Variants in ANO7 observed in about 807,000 individuals in gnomAD.
The protein encoded by ANO7 is anoctamin-7.
ANO7 carries 114 observed loss-of-function variants against 115.8 expected under a neutral mutation model. That is an observed-to-expected ratio of 0.98 (90% CI 0.85 to 1.15). ANO7 has a LOEUF of 1.15. Among genes scored for constraint, ANO7 ranks in the 50% most tolerant of loss-of-function variants. The pLI is 0.00. For missense variants in ANO7, 1,302 were observed against 1,201.2 expected, an observed-to-expected ratio of 1.08 and a Z score of -1.24; for synonymous variants, 550 against 498.2, an observed-to-expected ratio of 1.10 and a Z score of -1.38.
intron 3 of ANO7, among the ~76,000 whole-genome samples, chr2:241,193,536 G>A (rs1023256174): frequency 1.3e-5 from 2 of 148,184 alleles, no homozygotes; most frequent in African/African-American, 2.5e-5. Flanking sequence ...CCTGCTACCA[G>A]AAGCTCCCCA....
intron 3 of ANO7, among the ~76,000 whole-genome samples, chr2:241,192,266 G>A (rs1261831101): frequency 2.0e-5 from 3 of 152,304 alleles, no homozygotes; most frequent in African/African-American, 7.2e-5. Flanking sequence ...CGGAGGTAGC[G>A]GTGAACCGAG....
intron 10 of ANO7, 82 bp downstream of exon 10, chr2:241,205,037 G>C: frequency 8.3e-7 from 1 of 1,211,678 alleles, no homozygotes; most frequent in East Asian, 2.3e-5. Flanking sequence ...CTAGGTGCTA[G>C]GTCCTGTGCA....
At chr2:241,230,944 G>T, downstream of ANO7, 2 of 1,611,662 alleles carry the variant, frequency 1.2e-6, no homozygotes, top group Non-Finnish European at 1.7e-6. The surrounding 1 kb of genome is among the most constrained non-coding windows in gnomAD (Gnocchi z 5.0). Context: ...TGGTCCTGGG[G>T]CTAAAAAAGG....
the ANO7 span, chr2:241,235,512 C>T: frequency 6.8e-6 from 11 of 1,613,692 alleles, no homozygotes; most frequent in South Asian, 1.1e-5. Flanking sequence ...CATCATCTTG[C>T]GGATCCCACT....
downstream of ANO7, chr2:241,229,504 T>A (rs1664803518): frequency 2.3e-6 from 2 of 880,236 alleles, no homozygotes; most frequent in African/African-American, 3.4e-5. Context: ...GCGTCAACAA[T>A]TTACGGAGGG....
At chr2:241,232,789 G>C in the ANO7 span, among the ~76,000 whole-genome samples, 1 of 151,950 alleles carries the variant, frequency 6.6e-6, no homozygotes, top group Non-Finnish European at 1.5e-5. Flanking sequence ...ACTCCACCTG[G>C]GGCAACAAGA....
chr2:241,204,744 G>C (rs2068550091), intron 9 of ANO7, 121 bp from the exon 10 acceptor site: 2 of 687,142 alleles, frequency 2.9e-6, no homozygotes, highest in South Asian at 3.7e-5. Flanking sequence ...CTCACATAGG[G>C]CCCCAGCCCC....
rs149691575 is a variant in ANO7 at position 241,195,717 on chromosome 2, G to C, written c.181G>C (p.Val61Leu). Residue 61 changes from valine to leucine, a missense_variant, in exon 4 of 25, where the codon GTT (valine) becomes CTT (leucine). Coordinates refer to ENST00000674324, the MANE Select transcript of ANO7 (RefSeq NM_001370694.2). ...AKPRIADFVL[V>L]WEEDLKLDRQ... The stretch of plus-strand genomic sequence containing the variant: ...TTGGCTCCCAGCAGACTTCGTCCTC[G>C]TTTGGGAGGAGGACCTGAAGCTAGA... 9.3e-6 allele frequency: 15 copies of C among 1,614,084 alleles called. No homozygotes were observed. In the East Asian group the frequency reaches 2.7e-4, roughly 29 times the overall value.
Position 241,195,716 on chromosome 2 carries a change from C to A in ANO7, c.180C>A (p.Leu60=). 6.2e-7 allele frequency: 1 copy of A among 1,614,162 alleles called. No individual in the cohort carries two copies. Among genetic ancestry groups the A allele is most frequent in the South Asian group, 1.1e-5 (1 of 91,058 alleles). The change falls in exon 4 of 25, where the codon CTC becomes CTA. Residue 60 remains leucine (L), a synonymous_variant. Transcript: ENST00000674324. ...GTTGGCTCCCAGCAGACTTCGTCCTCGTTTGGGAGGAGGACCTGAAGCTAG... is the reference window on the plus strand; with the variant it reads ...GTTGGCTCCCAGCAGACTTCGTCCTAGTTTGGGAGGAGGACCTGAAGCTAG... ...PAKPRIADFV[L]VWEEDLKLDR...
rs768508762 is a variant in ANO7 at position 241,212,127 on chromosome 2, C to T, written c.1595C>T (p.Ala532Val). Residue 532 changes from alanine to valine, a missense_variant, in exon 16 of 25, where the codon GCC becomes GTC. By Grantham distance (64) the Ala-to-Val change is moderately conservative. Transcript: ENST00000674324. Reference protein sequence around the residue: ...MHRTQTKFEDAFTLKVFIFQF... With the variant: ...MHRTQTKFEDVFTLKVFIFQF... ...CGCACCCAGACCAAGTTCGAGGACGCCTTCACCCTCAAGGTGTTCATCTTC... is the reference window on the plus strand; with the variant it reads ...CGCACCCAGACCAAGTTCGAGGACGTCTTCACCCTCAAGGTGTTCATCTTC... 1 of 1,614,112 alleles carries T rather than the reference C, an allele frequency of 6.2e-7. No individual in the cohort carries two copies. The highest frequency in any genetic ancestry group is 1.6e-4 in the Middle Eastern group (1 of 6,062).
intron 4 of ANO7, 27 bp downstream of exon 4, chr2:241,195,872 C>G: frequency 6.2e-7 from 1 of 1,614,178 alleles, no homozygotes; most frequent in Non-Finnish European, 8.5e-7. Flanking sequence ...ATGGGCAGGG[C>G]CCTAGGCCCT....
At chr2:241,199,144 C>T in intron 4 of ANO7, 172 bp from the exon 5 acceptor site, 1 of 628,186 alleles carries the variant, frequency 1.6e-6, no homozygotes, top group Non-Finnish European at 2.8e-6. Context: ...GGTTGGCTTT[C>T]AGAGGCGTAT....
At chr2:241,207,470 CAGAGAGGACAAGGGAG>C (rs1466844538) in intron 10 of ANO7, 88 bp from the exon 11 acceptor site, 4 of 834,732 alleles carry the variant, frequency 4.8e-6, no homozygotes, top group African/African-American at 3.3e-5. Flanking sequence ...CAGTGGTGGA[CAGAGAGGACAAGGGAG>C]AGAGAGGACA....
At chr2:241,229,723 G>T, downstream of ANO7, 1 of 1,609,278 alleles carries the variant, frequency 6.2e-7, no homozygotes, top group East Asian at 2.2e-5. Context: ...AGGAGGGGAT[G>T]CTCCCCAACT....
Position 241,212,118 on chromosome 2 carries a change from T to C in ANO7, c.1586T>C (p.Phe529Ser). 6.2e-7 allele frequency: 1 copy of C among 1,614,068 alleles called. No homozygotes were observed. ...GAAATGCACCGCACCCAGACCAAGT[T>C]CGAGGACGCCTTCACCCTCAAGGTG... ...RWEMHRTQTK[F>S]EDAFTLKVFI... is the part of the protein sequence containing the mutation. The change falls in exon 16 of 25, where the codon TTC becomes TCC. Residue 529 changes from phenylalanine to serine, a missense_variant. Coordinates refer to ENST00000674324, the MANE Select transcript of ANO7 (RefSeq NM_001370694.2).
the ANO7 span, among the ~76,000 whole-genome samples, chr2:241,235,858 G>C: frequency 2.0e-5 from 3 of 152,192 alleles, no homozygotes; most frequent in Non-Finnish European, 4.4e-5. Flanking sequence ...TCAGGCCCAC[G>C]TAGGAGGAGA....
At chr2:241,208,852 C>G (rs756573857) in intron 11 of ANO7, among the ~76,000 whole-genome samples, 7 of 152,196 alleles carry the variant, frequency 4.6e-5, no homozygotes, top group Non-Finnish European at 8.8e-5. Flanking sequence ...TCTGTGCTTC[C>G]AAAACACAGT....
At chr2:241,199,547 C>T in intron 5 of ANO7, 124 bp downstream of exon 5, 8 of 901,238 alleles carry the variant, frequency 8.9e-6, no homozygotes, top group Non-Finnish European at 1.4e-5. Flanking sequence ...GCTCCTCCTA[C>T]CCACCCCGAC....
chr2:241,238,880 G>T, the ANO7 span: 2 of 1,023,594 alleles, frequency 2.0e-6, no homozygotes, highest in Non-Finnish European at 2.7e-6. The surrounding 1 kb of genome is among the most constrained non-coding windows in gnomAD (Gnocchi z 4.9). Flanking sequence ...CTTCCTCCCT[G>T]TCCTCTACAG....
Sources: allele counts gnomAD v4.1 joint callset (sites outside exome capture counted in the v4.1 genomes callset), GRCh38; gene constraint gnomAD v4.1.1; non-coding constraint Gnocchi (gnomAD v3.1); transcripts MANE v1.5; gene names NCBI Gene and HGNC (gene_info 2026-07-23, HGNC 2026-07-21).